Variants in ADGRL4 observed in about 807,000 individuals in gnomAD.
The protein encoded by ADGRL4 is adhesion G protein-coupled receptor L4.
ADGRL4 carries 90 observed loss-of-function variants against 74.8 expected under a neutral mutation model. That is an observed-to-expected ratio of 1.20 (90% CI 1.02 to 1.43). The LOEUF (loss-of-function observed/expected upper bound fraction) is 1.43. Ranked by LOEUF, ADGRL4 falls within the 40% of genes most tolerant of loss-of-function variation. ADGRL4 has a pLI of 0.00. For synonymous variants in ADGRL4, 311 were observed against 279.2 expected (o/e 1.11, Z -1.14); for missense variants, 881 against 814.3 (o/e 1.08, Z -1.00).
At position 78,936,418 on chromosome 1, in the gene ADGRL4, C is replaced by A; in HGVS notation, c.761-7G>T. On this transcript the variant is annotated splice_polypyrimidine_tract_variant and splice_region_variant and intron_variant, in intron 6 of 14. Coordinates refer to ENST00000370742, the MANE Select transcript of ADGRL4 (RefSeq NM_022159.4). ...AAAAAGAAAACTTTGAGAGCTGAAA[C>A]AAAACCATGAAAATAAAAAAAGTGA... The A allele has an allele frequency of 6.4e-7, 1 of 1,559,032 alleles. No individual in the cohort carries two copies. The highest frequency in any genetic ancestry group is 8.6e-7 in the Non-Finnish European group (1 of 1,157,612).
At position 78,972,695 on chromosome 1, in the gene ADGRL4, A is replaced by T. The variant is rs578196765; in HGVS notation, c.173-26269T>A. On this transcript the variant is annotated intron_variant, in intron 2 of 14. Coordinates refer to ENST00000370742, the MANE Select transcript of ADGRL4 (RefSeq NM_022159.4). Reference sequence around the variant, plus strand: ...TCTGCTTATTGCCGAAGCATTCTCAAATTCTATTCAATTTTCTGTTTTCTG... The same window carrying T: ...TCTGCTTATTGCCGAAGCATTCTCATATTCTATTCAATTTTCTGTTTTCTG... Among the ~76,000 whole-genome samples the T allele has an allele frequency of 5.9e-5, 9 of 152,294 alleles. No individual in the cohort carries two copies. In the South Asian group the frequency reaches 1.7e-3, roughly 28 times the overall value.
At chr1:78,930,459 T>C (rs1649215708) in intron 7 of ADGRL4, among the ~76,000 whole-genome samples, 1 of 144,920 alleles carries the variant, frequency 6.9e-6, no homozygotes, top group Admixed American at 6.8e-5. Flanking sequence ...TTTTTTTTTT[T>C]TTTTTTTTTT....
In ADGRL4 at chr1:78,891,697, C is replaced by G. The variant is rs1170883536; in HGVS notation, c.1842-5G>C. 2 of 1,604,632 alleles carry G rather than the reference C, an allele frequency of 1.2e-6. No individual in the cohort carries two copies. On this transcript the variant is annotated splice_polypyrimidine_tract_variant and splice_region_variant and intron_variant, in intron 13 of 14. Coordinates refer to ENST00000370742, the MANE Select transcript of ADGRL4 (RefSeq NM_022159.4). ...AGGGCTCCTCTTGCACAAGACCTAT[C>G]ACATATGAGAAATGCGTCAGTGAAG...
intron 2 of ADGRL4, among the ~76,000 whole-genome samples, chr1:78,998,799 T>C (rs889732636): frequency 6.6e-6 from 1 of 152,196 alleles, no homozygotes; most frequent in Non-Finnish European, 1.5e-5. Flanking sequence ...TTTGCAAACC[T>C]ACACCACAGA....
At chr1:78,999,698 T>G (rs1650798045) in intron 2 of ADGRL4, among the ~76,000 whole-genome samples, 1 of 152,168 alleles carries the variant, frequency 6.6e-6, no homozygotes, top group Admixed American at 6.5e-5. Flanking sequence ...GCATACAAAA[T>G]GAACACAAGC....
intron 7 of ADGRL4, among the ~76,000 whole-genome samples, chr1:78,930,827 ATT>A (rs1649225204): frequency 6.6e-6 from 1 of 151,418 alleles, no homozygotes; most frequent in Non-Finnish European, 1.5e-5. Flanking sequence ...GAACAAATCT[ATT>A]AAGTTTGCAC....
chr1:78,945,247 ATATC>A lies in ADGRL4; in HGVS notation c.325+1023_325+1026del, dbSNP rs1203659450. ...TTTATTGTGATTTAGATTAACTTGA[ATATC>A]TATCTCTTTTATCTAACTATATCAT... On this transcript the variant is annotated intron_variant, in intron 3 of 14. Transcript: ENST00000370742. Among the ~76,000 whole-genome samples, 5 of 150,670 alleles carry A rather than the reference ATATC, an allele frequency of 3.3e-5. No individual in the cohort carries two copies. The East Asian group carries it at 9.8e-4, about 29-fold the overall frequency.
intron 2 of ADGRL4, among the ~76,000 whole-genome samples, chr1:78,953,208 A>C (rs568293471): frequency 6.6e-6 from 1 of 152,234 alleles, no homozygotes; most frequent in Non-Finnish European, 1.5e-5. Context: ...CAAAGACTCT[A>C]AAACTTTGTC....
intron 1 of ADGRL4, 43 bp from the exon 2 acceptor site, chr1:79,005,262 A>G (rs1650935244): frequency 4.9e-6 from 7 of 1,433,394 alleles, no homozygotes; most frequent in Non-Finnish European, 5.7e-6. Context: ...AAGTAAAACA[A>G]ACATCTCTCC....
At chr1:78,896,627 T>G (rs1015679407) in intron 12 of ADGRL4, among the ~76,000 whole-genome samples, 1 of 152,098 alleles carries the variant, frequency 6.6e-6, no homozygotes, top group Non-Finnish European at 1.5e-5. Context: ...ATGCCTCCTC[T>G]GTGCTACTTC....
At chr1:78,905,231 C>T (rs1648610437) in intron 12 of ADGRL4, among the ~76,000 whole-genome samples, 1 of 151,992 alleles carries the variant, frequency 6.6e-6, no homozygotes, top group East Asian at 1.9e-4. Context: ...AACAATTCCT[C>T]ATTTCTGTTG....
At chr1:78,992,570 C>T (rs1204083889) in intron 2 of ADGRL4, among the ~76,000 whole-genome samples, 1 of 151,860 alleles carries the variant, frequency 6.6e-6, no homozygotes, top group Non-Finnish European at 1.5e-5. Flanking sequence ...TTTTTTCCTC[C>T]TAATACTCTC....
chr1:78,905,746 A>T (rs1648621836), intron 12 of ADGRL4, among the ~76,000 whole-genome samples: 1 of 152,036 alleles, frequency 6.6e-6, no homozygotes, highest in Non-Finnish European at 1.5e-5. Context: ...CTCAACAATC[A>T]TTTGTTGAAT....
intron 2 of ADGRL4, among the ~76,000 whole-genome samples, chr1:78,951,251 G>T (rs1649716349): frequency 6.6e-6 from 1 of 151,986 alleles, no homozygotes; most frequent in Non-Finnish European, 1.5e-5. Flanking sequence ...GTTGTCCTTT[G>T]TATCTTCTTC....
chr1:78,965,085 C>T (rs779666981), intron 2 of ADGRL4, among the ~76,000 whole-genome samples: 5 of 151,820 alleles, frequency 3.3e-5, no homozygotes, highest in Non-Finnish European at 7.4e-5. Context: ...AGAAATGTAC[C>T]AAATTCAAAA....
intron 2 of ADGRL4, among the ~76,000 whole-genome samples, chr1:78,962,079 CCATGTTCGTCAGG>C (rs1649965337): frequency 6.6e-6 from 1 of 152,066 alleles, no homozygotes; most frequent in Non-Finnish European, 1.5e-5. Context: ...CAGAGTTTCA[CCATGTTCGTCAGG>C]CTGGTCTCGA....
At chr1:78,943,740 C>A (rs1020463449) in intron 3 of ADGRL4, among the ~76,000 whole-genome samples, 3 of 151,994 alleles carry the variant, frequency 2.0e-5, no homozygotes, top group African/African-American at 7.3e-5. Context: ...TACTGCAGGA[C>A]TGAAATAAAA....
At position 78,939,254 on chromosome 1, in the gene ADGRL4, A is replaced by AT; in HGVS notation, c.329dup (p.Asn110LysfsTer10). On this transcript the variant is annotated frameshift_variant, in exon 4 of 15. Transcript: ENST00000370742. LOFTEE classifies it high-confidence loss of function. ...TATCTAAATGGCAGTTTGCATTCAC[A>AT]TTTTCTGTAAAAAAAGAAAATAGAT... is the stretch of plus-strand genomic sequence containing the variant. 6.4e-7 allele frequency: 1 copy of AT among 1,562,440 alleles called. No individual in the cohort carries two copies. Among genetic ancestry groups the AT allele is most frequent in the Middle Eastern group, 1.7e-4 (1 of 5,742 alleles).
chr1:78,917,673 A>G lies in ADGRL4; in HGVS notation c.1710T>C (p.Phe570=), dbSNP rs1484265786. Residue 570 remains phenylalanine, a synonymous_variant, in exon 12 of 15, where the codon TTT becomes TTC. Coordinates refer to ENST00000370742, the MANE Select transcript of ADGRL4 (RefSeq NM_022159.4). ...KVCWLSTENN[F]IWSFIGPACL... ...ATGCTGGTCCTATAAAACTCCAAAT[A>G]AAGTTGTTTTCGGTGCTAAGCCAAC... 1 of 1,607,372 alleles carries G rather than the reference A, an allele frequency of 6.2e-7. No homozygotes were observed. Among genetic ancestry groups the G allele is most frequent in the East Asian group, 2.2e-5 (1 of 44,694 alleles).
Sources: allele counts gnomAD v4.1 joint callset (sites outside exome capture counted in the v4.1 genomes callset), GRCh38; gene constraint gnomAD v4.1.1; transcripts MANE v1.5; gene names NCBI Gene and HGNC (gene_info 2026-07-23, HGNC 2026-07-21).